ITGB2: variants seen among roughly 807,000 people sequenced by gnomAD.
ITGB2 encodes the protein integrin beta-2.
Under a neutral mutation model 86.8 loss-of-function variants are expected in ITGB2, and 56 were observed. The observed-to-expected ratio is 0.65, with a 90% CI of 0.52 to 0.81. The LOEUF (loss-of-function observed/expected upper bound fraction) is 0.81, where lower values mean the gene tolerates loss of function less well. Ranked by LOEUF, ITGB2 falls within the 30% of genes least tolerant of loss-of-function variation. The probability of loss-of-function intolerance (pLI) is 0.00; values close to 1 mark genes in which losing one functional copy is unlikely to be tolerated. For missense variants in ITGB2, 948 were observed against 1,061.2 expected (o/e 0.89, Z 1.48); for synonymous variants, 457 against 450.4 (o/e 1.01, Z -0.19).
chr21:44,897,300 G>A (rs751407498), intron 8 of ITGB2, among the ~76,000 whole-genome samples: 22 of 152,296 alleles, frequency 1.4e-4, no homozygotes, highest in Admixed American at 4.6e-4. Flanking sequence ...CGGCCCTCCC[G>A]GGCACTTTCC....
chr21:44,915,174 C>T (rs888053599), intron 1 of ITGB2, among the ~76,000 whole-genome samples: 11 of 152,144 alleles, frequency 7.2e-5, no homozygotes, highest in Admixed American at 2.6e-4. Flanking sequence ...CAGGCTCCCA[C>T]GACCACGCCC....
At position 44,927,470 on chromosome 21, in the gene ITGB2, C is replaced by T. The variant is rs892378615; in HGVS notation, c.-4+1184G>A. Reference sequence around the variant, plus strand: ...CCCCCACGAGGACCCTGGGGCCACCCGGGAACCGCTGCTCCCTCCCAGTCA... The same window carrying T: ...CCCCCACGAGGACCCTGGGGCCACCTGGGAACCGCTGCTCCCTCCCAGTCA... On this transcript the variant is annotated intron_variant, in intron 1 of 15. Coordinates refer to the ITGB2 transcript ENST00000355153. Among the ~76,000 whole-genome samples the T allele has an allele frequency of 7.2e-5, 11 of 152,206 alleles. No homozygotes were observed. The East Asian group carries it at 1.2e-3, about 16-fold the overall frequency.
intron 8 of ITGB2, among the ~76,000 whole-genome samples, chr21:44,895,887 T>A (rs1007275950): frequency 0.089 from 10,740 of 120,866 alleles, 500 homozygotes; most frequent in Middle Eastern, 0.18. Context: ...AAAAAATAAA[T>A]AAAATAAAAT....
chr21:44,920,726 T>C (rs760452), intron 1 of ITGB2, 95 bp downstream of exon 1: 86,469 of 152,268 alleles, frequency 0.57, 27,373 homozygotes, highest in African/African-American at 0.87. Context: ...GGGCCGGGGC[T>C]ATAAGCAGGG....
chr21:44,895,396 G>A (rs369355294), intron 8 of ITGB2, among the ~76,000 whole-genome samples: 4 of 152,112 alleles, frequency 2.6e-5, no homozygotes, highest in Non-Finnish European at 4.4e-5. Context: ...GTGGTGTGGC[G>A]TCACATGCCT....
At chr21:44,901,450 A>G (rs766193656) in intron 6 of ITGB2, 42 bp downstream of exon 6, 21 of 1,606,492 alleles carry the variant, frequency 1.3e-5, no homozygotes, top group Non-Finnish European at 2.5e-6. Flanking sequence ...AGCCCCCCAC[A>G]CTGGGGGAAC....
chr21:44,924,925 T>C (rs1032930386), upstream of ITGB2, among the ~76,000 whole-genome samples: 1 of 152,152 alleles, frequency 6.6e-6, no homozygotes, highest in African/African-American at 2.4e-5. Flanking sequence ...AGCAGGACAG[T>C]GGTTACCCCT....
At chr21:44,895,282 G>A (rs2083848987) in intron 8 of ITGB2, among the ~76,000 whole-genome samples, 1 of 152,206 alleles carries the variant, frequency 6.6e-6, no homozygotes, top group African/African-American at 2.4e-5. Flanking sequence ...TGGAATACCA[G>A]TACTCGGGAG....
intron 6 of ITGB2, 142 bp from the exon 7 acceptor site, chr21:44,900,617 A>G: frequency 9.9e-7 from 1 of 1,007,854 alleles, no homozygotes; most frequent in Non-Finnish European, 1.5e-6. Context: ...TCAGGGACCC[A>G]GCTGTGTTCC....
intron 1 of ITGB2, among the ~76,000 whole-genome samples, chr21:44,920,497 A>AC (rs1228528299): frequency 1.3e-5 from 2 of 151,542 alleles, no homozygotes; most frequent in Non-Finnish European, 2.9e-5. Flanking sequence ...GAGCACCAGG[A>AC]CCCCCCAGCC....
At chr21:44,907,536 CA>C (rs1178741779) in intron 3 of ITGB2, among the ~76,000 whole-genome samples, 2 of 152,240 alleles carry the variant, frequency 1.3e-5, no homozygotes, top group Non-Finnish European at 2.9e-5. Flanking sequence ...GGTTCTGGGC[CA>C]AGCCCCTCAA....
chr21:44,894,916 T>C, intron 9 of ITGB2, 55 bp downstream of exon 9: 1 of 1,189,700 alleles, frequency 8.4e-7, no homozygotes, highest in East Asian at 2.3e-5. Context: ...TGACCTGCAG[T>C]GGGGAGATTG....
At chr21:44,911,256 A>G (rs1358376666) in intron 1 of ITGB2, 1 of 254,190 alleles carries the variant, frequency 3.9e-6, no homozygotes, top group African/African-American at 2.2e-5. Context: ...TACACACCAC[A>G]CACAAATATA....
chr21:44,919,727 C>A (rs2084270991), intron 1 of ITGB2, among the ~76,000 whole-genome samples: 1 of 152,208 alleles, frequency 6.6e-6, no homozygotes, highest in Non-Finnish European at 1.5e-5. Context: ...AGCCATGCCA[C>A]CCCTCCTTCT....
chr21:44,925,894 T>C (rs1157355405), upstream of ITGB2, among the ~76,000 whole-genome samples: 3 of 152,112 alleles, frequency 2.0e-5, no homozygotes, highest in Admixed American at 6.5e-5. Context: ...CTGGCTAACA[T>C]GGTGAAACCT....
chr21:44,892,604 CAAAAAAAA>C (rs11327948), intron 10 of ITGB2, among the ~76,000 whole-genome samples: 1 of 71,144 alleles, frequency 1.4e-5, no homozygotes, highest in Admixed American at 1.7e-4. Flanking sequence ...AACTCCATCT[CAAAAAAAA>C]AAAAAAAAAA....
chr21:44,921,382 G>T (rs1417103113), upstream of ITGB2: 1 of 152,692 alleles, frequency 6.5e-6, no homozygotes, highest in African/African-American at 2.4e-5. Context: ...CCACCTGCAT[G>T]TGAGGGCGGG....
In ITGB2 at chr21:44,886,387, G is replaced by A; in HGVS notation, c.2291C>T (p.Pro764Leu). The change falls in exon 16 of 16, where the codon CCC becomes CTC. Residue 764 changes from proline (P) to leucine (L), a missense_variant. Transcript: ENST00000652462. ...FKSATTTVMN[P>L]KFAES Reference sequence around the variant, plus strand: ...GTGCTCCTAACTCTCAGCAAACTTGGGGTTCATGACCGTCGTGGTGGCGCT... The same window carrying A: ...GTGCTCCTAACTCTCAGCAAACTTGAGGTTCATGACCGTCGTGGTGGCGCT... 6.2e-7 allele frequency: 1 copy of A among 1,614,162 alleles called. No homozygotes were observed.
At chr21:44,918,308 G>A (rs956361909) in intron 1 of ITGB2, among the ~76,000 whole-genome samples, 4 of 152,242 alleles carry the variant, frequency 2.6e-5, no homozygotes, top group Non-Finnish European at 4.4e-5. Context: ...GGCCCACACA[G>A]GACCTGTTCC....
Sources: allele counts gnomAD v4.1 joint callset (sites outside exome capture counted in the v4.1 genomes callset), GRCh38; gene constraint gnomAD v4.1.1; transcripts MANE v1.5; gene names NCBI Gene and HGNC (gene_info 2026-07-23, HGNC 2026-07-21).